The following BICC1 variants were observed in gnomAD, a reference collection of about 807,000 sequenced individuals.
BICC1 encodes the protein protein bicaudal C homolog 1.
BICC1 carries 43 observed loss-of-function variants against 111.0 expected under a neutral mutation model. That is an observed-to-expected ratio of 0.39 (90% CI 0.30 to 0.50). The LOEUF (loss-of-function observed/expected upper bound fraction) is 0.50, where lower values mean the gene tolerates loss of function less well. Among genes scored for constraint, BICC1 ranks in the 20% least tolerant of loss-of-function variants. The pLI is 0.88. For synonymous variants in BICC1, 467 were observed against 434.4 expected (o/e 1.07, Z -0.93); for missense variants, 1,091 against 1,203.2 (o/e 0.91, Z 1.38).
At chr10:58,814,017 G>A (rs1844002661) in intron 18 of BICC1, 31 bp downstream of exon 18, 2 of 1,612,286 alleles carry the variant, frequency 1.2e-6, no homozygotes, top group South Asian at 1.1e-5. Context: ...ACACTTTTAG[G>A]TATCCCCAGA....
At chr10:58,828,604 T>C (rs1844465688) in intron 20 of BICC1, among the ~76,000 whole-genome samples, 157 bp from the exon 21 acceptor site, 1 of 152,180 alleles carries the variant, frequency 6.6e-6, no homozygotes, top group African/African-American at 2.4e-5. Context: ...ATTTCAGAAA[T>C]GCCTTGACCA....
At chr10:58,534,290 A>G (rs997702136) in intron 1 of BICC1, among the ~76,000 whole-genome samples, 4 of 151,700 alleles carry the variant, frequency 2.6e-5, no homozygotes, top group African/African-American at 9.7e-5. Context: ...TCAAGAAGCA[A>G]CATAGGAACT....
intron 1 of BICC1, among the ~76,000 whole-genome samples, chr10:58,559,299 A>T (rs1032041792): frequency 6.6e-6 from 1 of 151,584 alleles, no homozygotes; most frequent in African/African-American, 2.4e-5. Flanking sequence ...TAGCATGCTT[A>T]CTCACTTTTT....
At chr10:58,520,379 A>G (rs566392320) in intron 1 of BICC1, among the ~76,000 whole-genome samples, 1 of 152,256 alleles carries the variant, frequency 6.6e-6, no homozygotes, top group East Asian at 1.9e-4. Flanking sequence ...TCCTTATCGT[A>G]CTACCATCTA....
intron 17 of BICC1, among the ~76,000 whole-genome samples, chr10:58,808,841 G>A (rs1843802015): frequency 1.3e-5 from 2 of 150,228 alleles, no homozygotes; most frequent in African/African-American, 2.5e-5. Flanking sequence ...TCAGCCTCCC[G>A]AGTAGCTGGG....
intron 3 of BICC1, among the ~76,000 whole-genome samples, chr10:58,727,178 A>G (rs1411332870): frequency 6.6e-6 from 1 of 152,152 alleles, no homozygotes; most frequent in Non-Finnish European, 1.5e-5. Flanking sequence ...TTTCTAGGGG[A>G]CAGTAAGAAA....
chr10:58,551,570 G>A (rs1039842716), intron 1 of BICC1, among the ~76,000 whole-genome samples: 1 of 152,108 alleles, frequency 6.6e-6, no homozygotes, highest in Non-Finnish European at 1.5e-5. Context: ...TAGTCACAAT[G>A]TGTACAGATC....
At chr10:58,524,933 CTT>C (rs1436900578) in intron 1 of BICC1, among the ~76,000 whole-genome samples, 6 of 152,056 alleles carry the variant, frequency 3.9e-5, no homozygotes, top group East Asian at 3.9e-4. Context: ...AAAGAAGACA[CTT>C]TTGCAGCCAA....
chr10:58,575,987 A>G (rs917433585), intron 1 of BICC1, among the ~76,000 whole-genome samples: 2 of 152,172 alleles, frequency 1.3e-5, no homozygotes. Context: ...AATATTTTAC[A>G]ATTTTTTGGT....
At chr10:58,692,865 TTTA>T (rs1839952327) in intron 2 of BICC1, among the ~76,000 whole-genome samples, 8 of 151,880 alleles carry the variant, frequency 5.3e-5, no homozygotes, top group Middle Eastern at 3.2e-3. Context: ...TTTTTTAAAT[TTTA>T]TTATTATTAT....
intron 2 of BICC1, among the ~76,000 whole-genome samples, chr10:58,688,772 C>T (rs756009111): frequency 3.9e-5 from 6 of 152,016 alleles, no homozygotes; most frequent in Non-Finnish European, 7.4e-5. Flanking sequence ...CAGGAAACTA[C>T]ACAGGAACAT....
intron 9 of BICC1, among the ~76,000 whole-genome samples, chr10:58,794,173 G>T (rs1290006551): frequency 4.8e-5 from 7 of 146,788 alleles, no homozygotes; most frequent in African/African-American, 1.8e-4. Context: ...TTTTGTGTGT[G>T]TGTGTGTGTG....
chr10:58,533,346 A>G (rs1225009859), intron 1 of BICC1, among the ~76,000 whole-genome samples: 2 of 151,914 alleles, frequency 1.3e-5, no homozygotes, highest in African/African-American at 2.4e-5. Flanking sequence ...TTAATAATGT[A>G]AAAAAGACTG....
intron 20 of BICC1, chr10:58,823,517 G>A (rs1055168804): frequency 2.3e-5 from 23 of 983,906 alleles, no homozygotes; most frequent in Admixed American, 1.2e-4. Context: ...GGATTCCCTT[G>A]TGATCATTTT....
intron 17 of BICC1, among the ~76,000 whole-genome samples, chr10:58,810,538 A>G (rs1195362673): frequency 1.3e-5 from 2 of 151,948 alleles, no homozygotes; most frequent in Non-Finnish European, 2.9e-5. Flanking sequence ...CATGTATCCC[A>G]AATTCTTTGA....
In BICC1 at chr10:58,830,469, G is replaced by T. The variant is rs1844522806; in HGVS notation, c.*1578G>T. 1 of 152,122 alleles carries T rather than the reference G, an allele frequency of 6.6e-6. No individual in the cohort carries two copies. Among genetic ancestry groups the T allele is most frequent in the Non-Finnish European group, 1.5e-5 (1 of 68,022 alleles). The allele number at this position is 152,122 out of a possible 1,614,324, so 9.4% of individuals were successfully genotyped here. On this transcript the variant is annotated 3_prime_UTR_variant, in exon 21 of 21. Transcript: ENST00000373886. ...CACTCTCACGTGCTCTCAGCAGAAGGCATTAGATAAGCATATACAAGAATT... is the reference window on the plus strand; with the variant it reads ...CACTCTCACGTGCTCTCAGCAGAAGTCATTAGATAAGCATATACAAGAATT...
At chr10:58,775,170 C>T (rs982546348) in intron 3 of BICC1, among the ~76,000 whole-genome samples, 3 of 152,020 alleles carry the variant, frequency 2.0e-5, no homozygotes, top group Non-Finnish European at 2.9e-5. Flanking sequence ...GCCAGGAGTT[C>T]GAGACCAGCC....
intron 1 of BICC1, among the ~76,000 whole-genome samples, chr10:58,542,150 C>CAAAAAAAAAAAAAAA (rs149049552): frequency 4.9e-5 from 4 of 82,364 alleles, no homozygotes; most frequent in East Asian, 3.5e-4. Context: ...GACCCTGTCT[C>CAAAAAAAAAAAAAAA]AAAAAAAAAA....
At chr10:58,563,163 A>G (rs928857417) in intron 1 of BICC1, among the ~76,000 whole-genome samples, 4 of 152,004 alleles carry the variant, frequency 2.6e-5, no homozygotes, top group Non-Finnish European at 5.9e-5. Context: ...GGTCACAGGG[A>G]TATGGAATTG....
Sources: gnomAD v4.1 joint callset for allele counts (sites outside exome capture counted in the v4.1 genomes callset) on GRCh38, gnomAD v4.1.1 for gene constraint, MANE v1.5 for transcripts, NCBI Gene and HGNC (gene_info 2026-07-23, HGNC 2026-07-21) for gene names.